INSC: variants seen among roughly 807,000 people sequenced by gnomAD.
INSC encodes INSC spindle orientation adaptor protein.
In INSC, 67 loss-of-function variants were observed where a neutral mutation model predicts 58.6. That is an observed-to-expected ratio of 1.14 (90% CI 0.94 to 1.40). The LOEUF is 1.40. INSC is among the 40% of genes most tolerant of loss of function. The pLI, the probability that INSC is intolerant of heterozygous loss-of-function variation, is 0.00. For synonymous variants in INSC, 262 were observed against 276.1 expected (o/e 0.95, Z 0.51); for missense variants, 714 against 692.0 (o/e 1.03, Z -0.36).
At chr11:15,211,491 T>A (rs943468386) in intron 7 of INSC, among the ~76,000 whole-genome samples, 5 of 152,234 alleles carry the variant, frequency 3.3e-5, no homozygotes, top group African/African-American at 1.2e-4. Context: ...TAGGTTTTTT[T>A]ATTCTCTTAA....
chr11:15,227,909 C>A (rs1196234374), intron 9 of INSC, among the ~76,000 whole-genome samples: 4 of 152,134 alleles, frequency 2.6e-5, no homozygotes, highest in Non-Finnish European at 4.4e-5. Flanking sequence ...AGTAGTGAGG[C>A]AATAAGACAA....
chr11:15,192,307 T>A lies in INSC; in HGVS notation c.693+1493T>A, dbSNP rs117926481. 2.9e-3 allele frequency among the ~76,000 whole-genome samples: 439 copies of A among 152,334 alleles called. 1 individual carries two copies. Among genetic ancestry groups the A allele is most frequent in the Non-Finnish European group, 4.9e-3 (334 of 68,028 alleles). ...AGGCACAAGGGCATATCATGGCCTT[T>A]GCACCTTTTGTCTTTGTGTTTTGAA... On this transcript the variant is annotated intron_variant, in intron 6 of 12. Coordinates refer to ENST00000379556, the MANE Select transcript of INSC (RefSeq NM_001042536.3).
chr11:15,215,563 A>G (rs1424170467), intron 7 of INSC, among the ~76,000 whole-genome samples: 1 of 152,230 alleles, frequency 6.6e-6, no homozygotes, highest in Non-Finnish European at 1.5e-5. Context: ...TTAACTTGCC[A>G]TGTGGCCTAG....
intron 2 of INSC, among the ~76,000 whole-genome samples, chr11:15,169,245 C>A (rs906071331): frequency 6.6e-6 from 1 of 152,192 alleles, no homozygotes; most frequent in Admixed American, 6.5e-5. Flanking sequence ...CGAGGCTCAC[C>A]TGGGATTCAT....
chr11:15,212,519 T>C (rs1778997669), intron 7 of INSC, among the ~76,000 whole-genome samples: 1 of 152,256 alleles, frequency 6.6e-6, no homozygotes, highest in Non-Finnish European at 1.5e-5. Context: ...CTCTACATCA[T>C]ACAAACTGTC....
intron 7 of INSC, among the ~76,000 whole-genome samples, chr11:15,206,046 C>T (rs965013292): frequency 6.6e-6 from 1 of 152,210 alleles, no homozygotes; most frequent in Non-Finnish European, 1.5e-5. Flanking sequence ...GGGCTGCAGC[C>T]TCCCTGCATC....
chr11:15,197,708 G>A (rs979673593), intron 6 of INSC, among the ~76,000 whole-genome samples: 2 of 152,160 alleles, frequency 1.3e-5, no homozygotes, highest in Non-Finnish European at 2.9e-5. Context: ...TATGATGATG[G>A]TGACAAACTC....
At chr11:15,128,794 A>C (rs1392044881) in intron 1 of INSC, among the ~76,000 whole-genome samples, 1 of 152,172 alleles carries the variant, frequency 6.6e-6, no homozygotes, top group Admixed American at 6.5e-5. Flanking sequence ...AGCTATGCAA[A>C]GATTAGGGCT....
chr11:15,132,092 T>C (rs1289539384), intron 1 of INSC, among the ~76,000 whole-genome samples: 1 of 152,196 alleles, frequency 6.6e-6, no homozygotes, highest in Non-Finnish European at 1.5e-5. Context: ...ATGTCTGTTC[T>C]TTTAGTTAAT....
the INSC span, among the ~76,000 whole-genome samples, chr11:15,267,007 A>G: frequency 5.7e-4 from 86 of 152,030 alleles, no homozygotes; most frequent in African/African-American, 2.0e-3. Flanking sequence ...ATTTAGTATC[A>G]TTTTTCTTCT....
At chr11:15,117,046 G>T (rs1238087017) in intron 1 of INSC, among the ~76,000 whole-genome samples, 1 of 149,912 alleles carries the variant, frequency 6.7e-6, no homozygotes, top group African/African-American at 2.5e-5. Context: ...GGATTCAAGC[G>T]ATTCTCCTGC....
At chr11:15,203,406 C>G (rs1850673849) in intron 7 of INSC, among the ~76,000 whole-genome samples, 1 of 152,206 alleles carries the variant, frequency 6.6e-6, no homozygotes, top group Admixed American at 6.5e-5. Flanking sequence ...GTGCCAGGCA[C>G]TGAAGAGGAA....
intron 1 of INSC, among the ~76,000 whole-genome samples, chr11:15,125,491 G>A (rs1847972417): frequency 6.6e-6 from 1 of 152,210 alleles, no homozygotes; most frequent in South Asian, 2.1e-4. Context: ...GCCTATTATA[G>A]TGATTTAGGT....
chr11:15,133,093 C>A (rs1343973738), intron 1 of INSC, among the ~76,000 whole-genome samples: 1 of 152,114 alleles, frequency 6.6e-6, no homozygotes, highest in Non-Finnish European at 1.5e-5. Flanking sequence ...TGAATATCAC[C>A]ATTTCCCCCA....
intron 2 of INSC, among the ~76,000 whole-genome samples, chr11:15,161,474 G>A (rs66534728): frequency 0.059 from 9,029 of 152,252 alleles, 380 homozygotes; most frequent in Non-Finnish European, 0.094. Flanking sequence ...AGTGCATGGA[G>A]ACAGGAGAGA....
Position 15,116,805 on chromosome 11 carries a change from T to TTTCTTTC in INSC, c.-46+1804_-46+1805insCTTTCTT, listed in dbSNP as rs1554900053. Among the ~76,000 whole-genome samples, 196 of 19,948 alleles carry TTTCTTTC rather than the reference T, an allele frequency of 9.8e-3. 21 individuals carry two copies. The highest frequency in any genetic ancestry group is 0.036 in the Middle Eastern group (1 of 28). 13.1% of individuals were successfully genotyped at this position (19,948 alleles called of 152,430 possible). On this transcript the variant is annotated intron_variant, in intron 1 of 12. Transcript: ENST00000379556. ...TCCTTCCTTTCTTTTCTTTTCTTTC[T>TTTCTTTC]TTTCTTTCTTTCTTTCTTTCTTTCT...
At chr11:15,225,423 C>G (rs1160237857) in intron 8 of INSC, among the ~76,000 whole-genome samples, 1 of 152,116 alleles carries the variant, frequency 6.6e-6, no homozygotes, top group Non-Finnish European at 1.5e-5. Context: ...TCAATAAATA[C>G]TTATTGGATG....
rs1490964721 is a variant in INSC, at chr11:15,178,388, A to C, written c.520A>C (p.Ser174Arg). 1 of 1,613,678 alleles carries C rather than the reference A, an allele frequency of 6.2e-7. No homozygotes were observed. Among genetic ancestry groups the C allele is most frequent in the South Asian group, 1.1e-5 (1 of 91,080 alleles). The change falls in exon 5 of 13, where the codon AGC (serine) becomes CGC (arginine). Residue 174 changes from serine (S) to arginine (R), a missense_variant. By Grantham distance (110) the Ser-to-Arg change is moderately radical (BLOSUM62 -1). Transcript: ENST00000379556. ...GAAGGCCTGCGTGAGTGAGACCCTG[A>C]GCATGCTGGGCCAGCACTTTGGTCA... ...SMKACVSETL[S>R]MLGQHFGQLL...
At chr11:15,124,769 C>A (rs1223343956) in intron 1 of INSC, among the ~76,000 whole-genome samples, 1 of 152,108 alleles carries the variant, frequency 6.6e-6, no homozygotes, top group Admixed American at 6.5e-5. Context: ...GCTGACAGGG[C>A]TGGAATTGAG....
Sources: allele counts gnomAD v4.1 joint callset (sites outside exome capture counted in the v4.1 genomes callset), GRCh38; gene constraint gnomAD v4.1.1; transcripts MANE v1.5; gene names NCBI Gene and HGNC (gene_info 2026-07-23, HGNC 2026-07-21).